DOCK3: variants seen among roughly 807,000 people sequenced by gnomAD.
DOCK3 encodes dedicator of cytokinesis protein 3.
Under a neutral mutation model 265.6 loss-of-function variants are expected in DOCK3, and 60 were observed. That is an observed-to-expected ratio of 0.23 (90% CI 0.18 to 0.28). DOCK3 has a LOEUF of 0.28. Ranked by LOEUF, DOCK3 falls within the 10% of genes least tolerant of loss-of-function variation. The pLI is 1.00. For synonymous variants in DOCK3, 881 were observed against 938.0 expected, an observed-to-expected ratio of 0.94 and a Z score of 1.11; for missense variants, 1,981 against 2,594.3, an observed-to-expected ratio of 0.76 and a Z score of 5.14.
At chr3:51,354,799 C>G in intron 40 of DOCK3, 83 bp from the exon 41 acceptor site, 5 of 1,547,228 alleles carry the variant, frequency 3.2e-6, no homozygotes, top group Non-Finnish European at 4.4e-6. Flanking sequence ...TATGTTTGTG[C>G]TATATGTAGC....
At chr3:50,851,446 TC>T (rs2046354318) in intron 3 of DOCK3, among the ~76,000 whole-genome samples, 2 of 152,096 alleles carry the variant, frequency 1.3e-5, no homozygotes, top group Non-Finnish European at 2.9e-5. Flanking sequence ...CTGGAGATCT[TC>T]CTGGGCGTGG....
At chr3:51,035,597 TG>T (rs2080236052) in intron 5 of DOCK3, among the ~76,000 whole-genome samples, 1 of 152,218 alleles carries the variant, frequency 6.6e-6, no homozygotes, top group Non-Finnish European at 1.5e-5. Flanking sequence ...CCTCTGAGTC[TG>T]GGTAAGCTTT....
intron 1 of DOCK3, among the ~76,000 whole-genome samples, chr3:50,705,767 C>G (rs968612158): frequency 6.6e-6 from 1 of 152,152 alleles, no homozygotes; most frequent in Non-Finnish European, 1.5e-5. Context: ...TGGTGGCTCA[C>G]ACCTGTAATC....
chr3:50,863,516 G>T, intron 3 of DOCK3: 1 of 495,472 alleles, frequency 2.0e-6, no homozygotes, highest in East Asian at 5.7e-5. Flanking sequence ...TGAGACTCCA[G>T]TTTTCCAGGG....
chr3:51,165,045 TCTC>T (rs2086323262), intron 12 of DOCK3, among the ~76,000 whole-genome samples: 3 of 149,648 alleles, frequency 2.0e-5, no homozygotes, highest in African/African-American at 7.4e-5. Context: ...TTCAAGCCAT[TCTC>T]CTCTCTCAGC....
At chr3:51,237,385 CA>C in intron 20 of DOCK3, 104 bp from the exon 21 acceptor site, 2 of 867,856 alleles carry the variant, frequency 2.3e-6, no homozygotes, top group South Asian at 3.0e-5. Context: ...TAGAGGACAG[CA>C]CTGACAATTT....
chr3:50,815,499 A>G (rs1311127290), intron 2 of DOCK3, among the ~76,000 whole-genome samples: 1 of 152,120 alleles, frequency 6.6e-6, no homozygotes. Context: ...GTCTCTTTTC[A>G]TCTTGAACCC....
rs868639243 is a variant in DOCK3 at position 51,189,158 on chromosome 3, A to G, written c.1038-19616A>G. 3.9e-5 allele frequency among the ~76,000 whole-genome samples: 6 copies of G among 151,992 alleles called. No individual in the cohort carries two copies. In the South Asian group the frequency reaches 1.2e-3, roughly 32 times the overall value. On this transcript the variant is annotated intron_variant, in intron 12 of 52. Transcript: ENST00000266037. ...AAGATGATAGCTCATTGTGGTTTTG[A>G]TTTACATTTGCCTGATGATTAGTGA...
intron 5 of DOCK3, among the ~76,000 whole-genome samples, chr3:50,978,556 G>T (rs914288644): frequency 6.6e-6 from 1 of 152,148 alleles, no homozygotes; most frequent in African/African-American, 2.4e-5. Context: ...AAAGCTGTCA[G>T]ACAGGGACAT....
chr3:51,199,151 G>A lies in DOCK3; in HGVS notation c.1038-9623G>A, dbSNP rs373352440. Among the ~76,000 whole-genome samples, 7 of 152,290 alleles carry A rather than the reference G, an allele frequency of 4.6e-5. No individual in the cohort carries two copies. The South Asian group carries it at 6.2e-4, about 14-fold the overall frequency. ...TTTCTGCATTTCCATCTGAGGTACC[G>A]GGTTCATCTCACTAGGGAGTGCCAG... On this transcript the variant is annotated intron_variant, in intron 12 of 52. Coordinates refer to ENST00000266037, the MANE Select transcript of DOCK3 (RefSeq NM_004947.5).
At chr3:50,752,295 G>T (rs1268472510) in intron 1 of DOCK3, among the ~76,000 whole-genome samples, 3 of 152,058 alleles carry the variant, frequency 2.0e-5, no homozygotes, top group African/African-American at 7.2e-5. Context: ...CGGATCATGA[G>T]GTCAAGAGAT....
At chr3:51,380,992 G>A (rs1470290455) in intron 52 of DOCK3, 58 bp from the exon 53 acceptor site, 29 of 1,524,046 alleles carry the variant, frequency 1.9e-5, no homozygotes, top group African/African-American at 9.6e-5. Context: ...TTCCTATGGC[G>A]GGCAAGTCAG....
chr3:50,882,477 A>G lies in DOCK3; in HGVS notation c.163-7549A>G, dbSNP rs922775399. ...CAAAGGCTATGAACAGACACTTCTC[A>G]AAAGAAGACATTTATGCAGCCAACA... On this transcript the variant is annotated intron_variant, in intron 3 of 52. Transcript: ENST00000266037. 1.0e-3 allele frequency among the ~76,000 whole-genome samples: 155 copies of G among 152,356 alleles called. 1 individual carries two copies. The Middle Eastern group carries it at 0.01, about 10-fold the overall frequency.
intron 4 of DOCK3, among the ~76,000 whole-genome samples, chr3:50,909,152 C>G (rs982794903): frequency 2.0e-5 from 3 of 151,930 alleles, no homozygotes; most frequent in Non-Finnish European, 2.9e-5. Flanking sequence ...TACCAATGGT[C>G]TTAACTTTTT....
rs2079784841 is a variant in DOCK3, at chr3:51,260,342, G to A, written c.2355+16G>A. The A allele has an allele frequency of 6.3e-7, 1 of 1,592,564 alleles. No individual in the cohort carries two copies. Among genetic ancestry groups the A allele is most frequent in the African/African-American group, 1.4e-5 (1 of 74,046 alleles). On this transcript the variant is annotated intron_variant, in intron 23 of 52. Transcript: ENST00000266037. ...TTTTACTCAGGTTCGCACACTGCAG[G>A]GAAGCTTTGATGCTGGGTTCCTCTT... is the stretch of plus-strand genomic sequence containing the variant.
intron 2 of DOCK3, among the ~76,000 whole-genome samples, chr3:50,828,148 C>T (rs1280090573): frequency 1.3e-5 from 2 of 152,100 alleles, no homozygotes; most frequent in South Asian, 2.1e-4. Context: ...AGGCTGGCCT[C>T]GAACTCCGGA....
At chr3:51,084,651 A>G (rs960184748) in intron 7 of DOCK3, among the ~76,000 whole-genome samples, 1 of 152,246 alleles carries the variant, frequency 6.6e-6, no homozygotes, top group Admixed American at 6.5e-5. Context: ...GAAAACACAC[A>G]AAAGTATAAA....
chr3:51,028,510 C>T (rs941001124), intron 5 of DOCK3, among the ~76,000 whole-genome samples: 34 of 152,080 alleles, frequency 2.2e-4, no homozygotes, highest in Admixed American at 1.8e-3. Flanking sequence ...CCCTCAAATA[C>T]GTTTTCTAAA....
chr3:51,325,728 A>G (rs575421846), intron 32 of DOCK3, among the ~76,000 whole-genome samples: 132 of 152,376 alleles, frequency 8.7e-4, no homozygotes, highest in African/African-American at 3.1e-3. Context: ...AATACTATGC[A>G]GCCATAAAAA....
Sources: allele counts gnomAD v4.1 joint callset (sites outside exome capture counted in the v4.1 genomes callset), GRCh38; gene constraint gnomAD v4.1.1; transcripts MANE v1.5; gene names NCBI Gene and HGNC (gene_info 2026-07-23, HGNC 2026-07-21).